The following DGKG variants were observed in gnomAD, a reference collection of about 807,000 sequenced individuals.
DGKG encodes the protein DAG kinase gamma.
Under a neutral mutation model 105.3 loss-of-function variants are expected in DGKG, and 78 were observed. The ratio of observed to expected loss-of-function variants is 0.74; its 90% CI spans 0.62 to 0.89. DGKG has a LOEUF of 0.89. Among genes scored for constraint, DGKG ranks in the 40% least tolerant of loss-of-function variants. The pLI is 0.00. For synonymous variants in DGKG, 346 were observed against 367.1 expected (o/e 0.94, Z 0.66); for missense variants, 958 against 1,020.1 (o/e 0.94, Z 0.83).
At position 186,297,491 on chromosome 3, in the gene DGKG, A is replaced by G. The variant is rs751856275; in HGVS notation, c.311-8T>C. 1.9e-6 allele frequency: 3 copies of G among 1,607,952 alleles called. No individual in the cohort carries two copies. In the South Asian group the frequency reaches 3.3e-5, roughly 18 times the overall value. On this transcript the variant is annotated splice_region_variant and splice_polypyrimidine_tract_variant and intron_variant, in intron 4 of 24. Transcript: ENST00000265022. The stretch of plus-strand genomic sequence containing the variant: ...CATTCTGTATATTAGTATCTGAGGA[A>G]AAAAAAGAAGATTTAAAGACCAACC...
Position 186,147,424 on chromosome 3 carries a change from G to T in DGKG, c.*2666C>A. The T allele has an allele frequency of 1.0e-6, 1 of 983,440 alleles. No homozygotes were observed. The highest frequency in any genetic ancestry group is 1.2e-6 in the Non-Finnish European group (1 of 827,986). 60.9% of individuals were successfully genotyped at this position (983,440 alleles called of 1,614,324 possible). A position where few individuals can be genotyped will look rare whatever the true frequency, so the allele number is the denominator to read the frequency against. ...CTCTGCTAACCTCAGAGGTTGCTAT[G>T]AGGGTCACTATGATGAGGGACTCCA... is the stretch of plus-strand genomic sequence containing the variant. On this transcript the variant is annotated 3_prime_UTR_variant, in exon 25 of 25. Coordinates refer to ENST00000265022, the MANE Select transcript of DGKG (RefSeq NM_001346.3).
At chr3:186,230,043 A>G (rs1174704035) in intron 20 of DGKG, among the ~76,000 whole-genome samples, 1 of 152,156 alleles carries the variant, frequency 6.6e-6, no homozygotes, top group Non-Finnish European at 1.5e-5. Flanking sequence ...GCGGATCACG[A>G]GGTCAGGAGA....
chr3:186,203,881 C>T lies in DGKG; in HGVS notation c.1917+7914G>A, dbSNP rs572394535. 6.6e-6 allele frequency among the ~76,000 whole-genome samples: 1 copy of T among 152,346 alleles called. No individual in the cohort carries two copies. The highest frequency in any genetic ancestry group is 2.1e-4 in the South Asian group (1 of 4,826). On this transcript the variant is annotated intron_variant, in intron 21 of 24. Coordinates refer to ENST00000265022, the MANE Select transcript of DGKG (RefSeq NM_001346.3). The surrounding 1 kb of genome is among the most constrained non-coding windows in gnomAD (Gnocchi z 4.9). Reference sequence around the variant, plus strand: ...CTACTTTCCTTACTCCAGGGAAAGGCTCTACCTGTGGTAGCTGAGAAGAAG... The same window carrying T: ...CTACTTTCCTTACTCCAGGGAAAGGTTCTACCTGTGGTAGCTGAGAAGAAG...
At position 186,310,265 on chromosome 3, in the gene DGKG, C is replaced by CAAAA. The variant is rs1165723037; in HGVS notation, c.68-3292_68-3289dup. 1.4e-3 allele frequency among the ~76,000 whole-genome samples: 46 copies of CAAAA among 33,286 alleles called. 3 individuals are homozygous for CAAAA. The highest frequency in any genetic ancestry group is 0.067 in the Middle Eastern group (2 of 30). 21.8% of individuals were successfully genotyped at this position (33,286 alleles called of 152,430 possible). On this transcript the variant is annotated intron_variant, in intron 2 of 24. Transcript: ENST00000265022. ...CTGGCAACAAAGCAAGACTCCGTCTCAAAAAAAAAAAAAAAAAAAAAAAAC... is the reference window on the plus strand; with the variant it reads ...CTGGCAACAAAGCAAGACTCCGTCTCAAAAAAAAAAAAAAAAAAAAAAAAAAAAC...
intron 3 of DGKG, among the ~76,000 whole-genome samples, chr3:186,299,840 T>TCTTCTTTC (rs1553815789): frequency 1.2e-5 from 1 of 80,726 alleles, no homozygotes; most frequent in African/African-American, 5.1e-5. Context: ...TTTCTTTCTT[T>TCTTCTTTC]TTTTTTTTTT....
chr3:186,332,929 C>T (rs1250604092), intron 1 of DGKG, among the ~76,000 whole-genome samples: 1 of 152,174 alleles, frequency 6.6e-6, no homozygotes, highest in East Asian at 1.9e-4. Flanking sequence ...TGAACTAACA[C>T]GTTCAGCCCC....
At chr3:186,236,107 TC>T (rs1435642410) in intron 20 of DGKG, among the ~76,000 whole-genome samples, 2 of 152,300 alleles carry the variant, frequency 1.3e-5, no homozygotes, top group Admixed American at 1.3e-4. Context: ...GAAGGGGATT[TC>T]CTCTAGAGCT....
intron 24 of DGKG, chr3:186,161,166 TACC>T: frequency 1.0e-6 from 1 of 992,238 alleles, no homozygotes; most frequent in Non-Finnish European, 1.2e-6. Flanking sequence ...GGCGCTACCC[TACC>T]AAATTCTAGG....
At position 186,291,539 on chromosome 3, in the gene DGKG, T is replaced by G. The variant is rs1233686686; in HGVS notation, c.374-2659A>C. Among the ~76,000 whole-genome samples the G allele has an allele frequency of 3.9e-5, 6 of 152,306 alleles. No individual in the cohort carries two copies. The East Asian group carries it at 9.6e-4, about 24-fold the overall frequency. ...ACGAACAAATTGTGGAATATCTATG[T>G]ATTAAAACACTAATCAGCAACTAAA... On this transcript the variant is annotated intron_variant, in intron 5 of 24. Coordinates refer to ENST00000265022, the MANE Select transcript of DGKG (RefSeq NM_001346.3).
At chr3:186,308,843 C>G (rs753930745) in intron 2 of DGKG, among the ~76,000 whole-genome samples, 19 of 152,148 alleles carry the variant, frequency 1.2e-4, no homozygotes, top group Non-Finnish European at 2.6e-4. Context: ...AACTGTGGTA[C>G]TAATAGCTGT....
At chr3:186,224,565 TG>T (rs1719757390) in intron 20 of DGKG, among the ~76,000 whole-genome samples, 1 of 152,222 alleles carries the variant, frequency 6.6e-6, no homozygotes, top group Admixed American at 6.5e-5. Flanking sequence ...CAAGAGGCTC[TG>T]GGGTAAGGGG....
At chr3:186,188,934 C>T (rs1717775051) in intron 21 of DGKG, among the ~76,000 whole-genome samples, 1 of 152,166 alleles carries the variant, frequency 6.6e-6, no homozygotes, top group African/African-American at 2.4e-5. Flanking sequence ...CCTGCCTCAG[C>T]CTCCCGAGTA....
At chr3:186,200,852 G>A (rs1375383331) in intron 21 of DGKG, among the ~76,000 whole-genome samples, 3 of 152,210 alleles carry the variant, frequency 2.0e-5, no homozygotes, top group Non-Finnish European at 4.4e-5. Flanking sequence ...ACATCCCATG[G>A]GCAGAAAATG....
Position 186,342,586 on chromosome 3 carries a change from G to GT in DGKG, c.-249+19359dup, listed in dbSNP as rs200104603. On this transcript the variant is annotated intron_variant, in intron 1 of 24. Transcript: ENST00000265022. ...TGATTTTTTGTTTTGTTTTATTTCTGTTTTTTTTCTCTCGGTCCCTCATTC... is the reference window on the plus strand; with the variant it reads ...TGATTTTTTGTTTTGTTTTATTTCTGTTTTTTTTTCTCTCGGTCCCTCATTC... 3.3e-3 allele frequency among the ~76,000 whole-genome samples: 495 copies of GT among 150,968 alleles called. 8 individuals carry two copies. Among genetic ancestry groups the GT allele is most frequent in the East Asian group, 3.7e-3 (19 of 5,130 alleles).
At chr3:186,248,364 C>G (rs1006684861) in intron 19 of DGKG, among the ~76,000 whole-genome samples, 1 of 152,234 alleles carries the variant, frequency 6.6e-6, no homozygotes, top group Admixed American at 6.5e-5. Flanking sequence ...TGGCTTCCAG[C>G]CCGTTGCTTA....
Position 186,251,792 on chromosome 3 carries a change from G to A in DGKG, c.1728C>T (p.Tyr576=), listed in dbSNP as rs1460722891. Residue 576 remains tyrosine (Y), a synonymous_variant, in exon 19 of 25, where the codon TAC becomes TAT. Transcript: ENST00000265022. ...EEVENGDQVP[Y]SIMNNYFSIG... ...TGGAGAAATAGTTGTTCATGATGCT[G>A]TATGGGACCTGGTCCCCGTTTTCCA... The A allele has an allele frequency of 1.2e-6, 2 of 1,614,076 alleles. No homozygotes were observed. Among genetic ancestry groups the A allele is most frequent in the East Asian group, 2.2e-5 (1 of 44,900 alleles).
chr3:186,308,366 A>C (rs78035097), intron 2 of DGKG, among the ~76,000 whole-genome samples: 2,898 of 152,250 alleles, frequency 0.019, 98 homozygotes, highest in African/African-American at 0.064. Context: ...GACCTTGGCT[A>C]TCCCTCTCTT....
intron 20 of DGKG, among the ~76,000 whole-genome samples, chr3:186,214,986 CAG>C (rs1487032139): frequency 6.6e-6 from 1 of 152,164 alleles, no homozygotes; most frequent in Non-Finnish European, 1.5e-5. Context: ...GGCCATGGGA[CAG>C]GCAAGAGAGA....
At chr3:186,247,532 C>T (rs1322641382) in intron 19 of DGKG, among the ~76,000 whole-genome samples, 1 of 152,174 alleles carries the variant, frequency 6.6e-6, no homozygotes, top group Non-Finnish European at 1.5e-5. Flanking sequence ...GGTTTACATA[C>T]CTACTTCTCT....
Sources: allele counts gnomAD v4.1 joint callset (sites outside exome capture counted in the v4.1 genomes callset), GRCh38; gene constraint gnomAD v4.1.1; non-coding constraint Gnocchi (gnomAD v3.1); transcripts MANE v1.5; gene names NCBI Gene and HGNC (gene_info 2026-07-23, HGNC 2026-07-21).